The following NEXMIF variants were observed in gnomAD, a reference collection of about 807,000 sequenced individuals.
NEXMIF encodes XLMR protein related to neurite extension.
In NEXMIF, 8 loss-of-function variants were observed where a neutral mutation model predicts 62.1. That is an observed-to-expected ratio of 0.13 (90% CI 0.08 to 0.23). NEXMIF has a LOEUF of 0.23. Among genes scored for constraint, NEXMIF ranks in the 10% least tolerant of loss-of-function variants. NEXMIF has a pLI of 1.00. For missense variants in NEXMIF, 976 were observed against 1,113.3 expected (o/e 0.88, Z 1.75); for synonymous variants, 404 against 416.6 (o/e 0.97, Z 0.37).
In NEXMIF at chrX:74,741,017, T is replaced by G; in HGVS notation, c.3540A>C (p.Ser1180=). ...NKVSKSRKKS[S]PSKSGAMNQS... ...GGTTCATAGCCCCACTCTTGCTGGG[T>G]GAACTTTTCTTTCTTGATTTTGACA... is the stretch of plus-strand genomic sequence containing the variant. Residue 1180 remains serine, a synonymous_variant, in exon 3 of 4, where the codon TCA becomes TCC. Transcript: ENST00000055682. 8.3e-7 allele frequency: 1 copy of G among 1,211,343 alleles called. No individual in the cohort carries two copies. Among genetic ancestry groups the G allele is most frequent in the Non-Finnish European group, 1.1e-6 (1 of 895,152 alleles).
In NEXMIF at chrX:74,741,432, T is replaced by G. The variant is rs1025954570; in HGVS notation, c.3125A>C (p.Glu1042Ala). 8.3e-7 allele frequency: 1 copy of G among 1,211,679 alleles called. No homozygotes were observed. Among genetic ancestry groups the G allele is most frequent in the Admixed American group, 2.2e-5 (1 of 46,018 alleles). ...AGTGGACTCCTTTAGTGGTGCTATC[T>G]CATCAATGCTTTGCTGGATCACCAG... ...PKLVIQQSID[E>A]IAPLKESTDL... Residue 1042 changes from glutamate (E) to alanine (A), a missense_variant, in exon 3 of 4, where the codon GAG becomes GCG. Around this residue, in one of 5 missense-constraint regions of NEXMIF, gnomAD observed 639 missense variants for 694.5 expected, o/e 0.92. Coordinates refer to ENST00000055682, the MANE Select transcript of NEXMIF (RefSeq NM_001008537.3).
chrX:74,750,364 C>T (rs1356721468), intron 1 of NEXMIF, among the ~76,000 whole-genome samples: 2 of 111,485 alleles, frequency 1.8e-5, no homozygotes, highest in Non-Finnish European at 3.8e-5. Flanking sequence ...AATATCGGTG[C>T]CAGGATCTTC....
At position 74,824,822 on chromosome X, in the gene NEXMIF, T is replaced by TA. The variant is rs972759322; in HGVS notation, c.-47-79126_-47-79125insT. ...CGCCACCACGCCCAGCTAATTTTTTTTATTTTTAGTACAGACAGAGTTTCA... is the reference window on the plus strand; with the variant it reads ...CGCCACCACGCCCAGCTAATTTTTTTATATTTTTAGTACAGACAGAGTTTCA... On this transcript the variant is annotated intron_variant, in intron 1 of 3. Coordinates refer to ENST00000055682, the MANE Select transcript of NEXMIF (RefSeq NM_001008537.3). Among the ~76,000 whole-genome samples, 5 of 110,350 alleles carry TA rather than the reference T, an allele frequency of 4.5e-5. No homozygotes were observed. In the Admixed American group the frequency reaches 4.8e-4, roughly 11 times the overall value.
chrX:74,870,620 A>T, intron 1 of NEXMIF, among the ~76,000 whole-genome samples: 1 of 112,210 alleles, frequency 8.9e-6, no homozygotes, highest in South Asian at 3.7e-4. Flanking sequence ...TCGACTTTAC[A>T]GGAAGAAATC....
At chrX:74,797,374 C>T (rs2080315491) in intron 1 of NEXMIF, among the ~76,000 whole-genome samples, 1 of 111,510 alleles carries the variant, frequency 9.0e-6, no homozygotes, top group Non-Finnish European at 1.9e-5. Flanking sequence ...TATAAATGTA[C>T]CATAGTAATG....
chrX:74,875,020 C>T (rs1472213097), intron 1 of NEXMIF, among the ~76,000 whole-genome samples: 1 of 111,323 alleles, frequency 9.0e-6, no homozygotes, highest in Non-Finnish European at 1.9e-5. Context: ...GCCAGAACTT[C>T]CAACACTATG....
intron 1 of NEXMIF, among the ~76,000 whole-genome samples, chrX:74,814,787 C>A (rs918001489): frequency 8.9e-6 from 1 of 112,240 alleles, no homozygotes; most frequent in Non-Finnish European, 1.9e-5. Context: ...AAACCCCATA[C>A]ATTCTTGCAT....
chrX:74,815,755 C>A (rs1255412963), intron 1 of NEXMIF, among the ~76,000 whole-genome samples: 1 of 109,069 alleles, frequency 9.2e-6, no homozygotes, highest in Non-Finnish European at 1.9e-5. Context: ...CTGCCTCAGC[C>A]TCCTGAGTAG....
At chrX:74,795,631 G>A (rs2080304008) in intron 1 of NEXMIF, among the ~76,000 whole-genome samples, 1 of 111,357 alleles carries the variant, frequency 9.0e-6, no homozygotes, top group Non-Finnish European at 1.9e-5. Flanking sequence ...ATGACATTAT[G>A]CATTTGTCAA....
At chrX:74,805,722 A>C (rs2080342884) in intron 1 of NEXMIF, among the ~76,000 whole-genome samples, 1 of 111,838 alleles carries the variant, frequency 8.9e-6, no homozygotes, top group African/African-American at 3.3e-5. Context: ...TCCAAGCACC[A>C]TTTATTGAAT....
rs113771552 is a variant in NEXMIF at position 74,826,002 on chromosome X, A to G, written c.-47-80305T>C. ...ATAGGTGTACTTGTGTATTTATAATAGAATAATTTATATTCCTTTGGTCAT... is the reference window on the plus strand; with the variant it reads ...ATAGGTGTACTTGTGTATTTATAATGGAATAATTTATATTCCTTTGGTCAT... On this transcript the variant is annotated intron_variant, in intron 1 of 3. Coordinates refer to ENST00000055682, the MANE Select transcript of NEXMIF (RefSeq NM_001008537.3). Among the ~76,000 whole-genome samples the G allele has an allele frequency of 5.3e-3, 596 of 112,942 alleles. 3 individuals carry two copies. The highest frequency in any genetic ancestry group is 0.019 in the African/African-American group (576 of 31,135).
At chrX:74,895,244 A>G (rs1569365015) in intron 1 of NEXMIF, among the ~76,000 whole-genome samples, 1 of 112,000 alleles carries the variant, frequency 8.9e-6, no homozygotes, top group Non-Finnish European at 1.9e-5. Context: ...AATACCTAGG[A>G]ATTAACCAAA....
chrX:74,754,312 AT>A (rs576345364), intron 1 of NEXMIF, among the ~76,000 whole-genome samples: 6,594 of 80,460 alleles, frequency 0.082, 253 homozygotes, highest in Middle Eastern at 0.13. Flanking sequence ...TTATTTTTTT[AT>A]TTTTTTTTTT....
chrX:74,842,922 G>A (rs2080478637), intron 1 of NEXMIF, among the ~76,000 whole-genome samples: 1 of 111,955 alleles, frequency 8.9e-6, no homozygotes, highest in Admixed American at 9.5e-5. Context: ...TATGTGCCAC[G>A]TGGCAATGAG....
chrX:74,885,709 T>C, intron 1 of NEXMIF, among the ~76,000 whole-genome samples: 1 of 112,048 alleles, frequency 8.9e-6, no homozygotes, highest in Non-Finnish European at 1.9e-5. Flanking sequence ...AGCTGAATTC[T>C]ACCAGAGGTA....
intron 1 of NEXMIF, among the ~76,000 whole-genome samples, chrX:74,828,427 GCTT>G (rs1335266830): frequency 3.6e-5 from 4 of 111,681 alleles, no homozygotes; most frequent in African/African-American, 1.3e-4. Flanking sequence ...AAATATTCAT[GCTT>G]ATTATCATAT....
intron 3 of NEXMIF, chrX:74,739,854 A>T (rs1017712916): frequency 2.6e-6 from 1 of 387,472 alleles, no homozygotes; most frequent in Non-Finnish European, 4.4e-6. Context: ...AGAAGAAGAA[A>T]TAGCTTTGTT....
chrX:74,745,965 C>T (rs987770841), intron 1 of NEXMIF, among the ~76,000 whole-genome samples: 3 of 111,611 alleles, frequency 2.7e-5, no homozygotes, highest in Non-Finnish European at 5.6e-5. Context: ...AGCAGACAAA[C>T]GTATCCCTTC....
At chrX:74,858,769 A>G (rs1232931394) in intron 1 of NEXMIF, among the ~76,000 whole-genome samples, 1 of 110,379 alleles carries the variant, frequency 9.1e-6, no homozygotes, top group African/African-American at 3.3e-5. Flanking sequence ...TTCAAAGATA[A>G]CACAAAGAAG....
Sources: gnomAD v4.1 joint callset for allele counts (sites outside exome capture counted in the v4.1 genomes callset) on GRCh38, gnomAD v4.1.1 for gene constraint, gnomAD v4.1.1 regional missense constraint, MANE v1.5 for transcripts, NCBI Gene and HGNC (gene_info 2026-07-23, HGNC 2026-07-21) for gene names.